Variants in NRXN1 observed in about 807,000 individuals in gnomAD.
The protein encoded by NRXN1 is neurexin-1.
Under a neutral mutation model 150.9 loss-of-function variants are expected in NRXN1, and 39 were observed. The ratio of observed to expected loss-of-function variants is 0.26; its 90% CI spans 0.20 to 0.34. NRXN1 has a LOEUF of 0.34. Among genes scored for constraint, NRXN1 ranks in the 10% least tolerant of loss-of-function variants. The probability of loss-of-function intolerance (pLI) is 1.00; values close to 1 mark genes in which losing one functional copy is unlikely to be tolerated. For missense variants in NRXN1, 1,815 were observed against 1,949.9 expected, an observed-to-expected ratio of 0.93 and a Z score of 1.30; for synonymous variants, 924 against 757.0, an observed-to-expected ratio of 1.22 and a Z score of -3.62.
intron 8 of NRXN1, among the ~76,000 whole-genome samples, chr2:50,559,057 G>T (rs1023150360): frequency 6.6e-6 from 1 of 152,106 alleles, no homozygotes; most frequent in Non-Finnish European, 1.5e-5. Flanking sequence ...ACTCCAGCCT[G>T]GGTGACAGAG....
At chr2:50,946,030 A>G (rs562483121) in intron 2 of NRXN1, among the ~76,000 whole-genome samples, 5 of 151,886 alleles carry the variant, frequency 3.3e-5, no homozygotes, top group African/African-American at 1.2e-4. Context: ...GAATGACCAT[A>G]GAGGATACAA....
chr2:51,007,285 T>C (rs115955751), intron 2 of NRXN1, among the ~76,000 whole-genome samples: 2,762 of 152,030 alleles, frequency 0.018, 88 homozygotes, highest in African/African-American at 0.064. Flanking sequence ...CAAAAAAAAT[T>C]ATTGTCCAAA....
intron 17 of NRXN1, among the ~76,000 whole-genome samples, chr2:50,369,516 G>A (rs968768736): frequency 6.6e-6 from 1 of 151,960 alleles, no homozygotes; most frequent in East Asian, 1.9e-4. Context: ...AATTTATAAT[G>A]TGATGGTGTT....
rs188528466 is a variant in NRXN1, at chr2:50,068,049, T to C, written c.3719-13005A>G. 1.2e-3 allele frequency among the ~76,000 whole-genome samples: 184 copies of C among 152,300 alleles called. 1 individual carries two copies. The highest frequency in any genetic ancestry group is 2.1e-3 in the Non-Finnish European group (146 of 68,014). On this transcript the variant is annotated intron_variant, in intron 19 of 22. Transcript: ENST00000401669. Reference sequence around the variant, plus strand: ...TTCATACACAGTCTGATGTGGCCTATAAATGGAACTGCGAAAGTTCCCTAT... The same window carrying C: ...TTCATACACAGTCTGATGTGGCCTACAAATGGAACTGCGAAAGTTCCCTAT...
intron 17 of NRXN1, among the ~76,000 whole-genome samples, chr2:50,260,701 G>A (rs1341134895): frequency 7.5e-6 from 1 of 133,218 alleles, no homozygotes; most frequent in African/African-American, 2.9e-5. Context: ...GACCTAACCT[G>A]TAGAAATGAA....
rs2092823499 is a variant in NRXN1, at chr2:50,522,719, CATTTTTTTTTT to C, written c.2374+5895_2374+5905del. 5.8e-5 allele frequency among the ~76,000 whole-genome samples: 5 copies of C among 86,596 alleles called. 1 individual carries two copies. Among genetic ancestry groups the C allele is most frequent in the Admixed American group, 2.5e-4 (2 of 7,924 alleles). 56.8% of individuals were successfully genotyped at this position (86,596 alleles called of 152,430 possible). A position where few individuals can be genotyped will look rare whatever the true frequency, so the allele number is the denominator to read the frequency against. ...TTCCATTTATTCATTTATTTTTATT[CATTTTTTTTTT>C]TTTTTTTTTTTTTTTTTTTTGAGAG... On this transcript the variant is annotated intron_variant, in intron 12 of 22. Transcript: ENST00000401669.
At chr2:50,002,274 T>C (rs1423566758) in intron 21 of NRXN1, among the ~76,000 whole-genome samples, 2 of 152,150 alleles carry the variant, frequency 1.3e-5, no homozygotes, top group African/African-American at 2.4e-5. Context: ...TACTTCCATA[T>C]AGAATTCAGA....
chr2:50,355,934 C>G (rs1425331237), intron 17 of NRXN1, among the ~76,000 whole-genome samples: 1 of 151,970 alleles, frequency 6.6e-6, no homozygotes, highest in East Asian at 1.9e-4. Context: ...TTTTTATTAT[C>G]TAAAATATAT....
intron 18 of NRXN1, among the ~76,000 whole-genome samples, chr2:50,124,206 T>G (rs1704254400): frequency 6.6e-6 from 1 of 152,146 alleles, no homozygotes; most frequent in Non-Finnish European, 1.5e-5. Context: ...AAATGCTGCT[T>G]GTAGTCCATG....
chr2:50,799,790 G>A (rs1707338796), intron 5 of NRXN1, among the ~76,000 whole-genome samples: 1 of 152,118 alleles, frequency 6.6e-6, no homozygotes, highest in Non-Finnish European at 1.5e-5. Context: ...TCACTGGGCT[G>A]TAACTCCATG....
At chr2:50,236,668 T>C in intron 18 of NRXN1, 121 bp downstream of exon 18, 4 of 846,860 alleles carry the variant, frequency 4.7e-6, no homozygotes, top group Non-Finnish European at 5.9e-6. Flanking sequence ...TGTATTCATA[T>C]TTCCTATAAC....
At chr2:49,991,128 T>C (rs909822359) in intron 21 of NRXN1, among the ~76,000 whole-genome samples, 5 of 152,290 alleles carry the variant, frequency 3.3e-5, no homozygotes, top group African/African-American at 1.2e-4. Context: ...TAACATCATA[T>C]GTAATAGTGA....
At chr2:50,850,507 G>C (rs72891307) in intron 5 of NRXN1, among the ~76,000 whole-genome samples, 8,280 of 152,154 alleles carry the variant, frequency 0.054, 246 homozygotes, top group Admixed American at 0.071. Context: ...AGTAGGCTCA[G>C]AGTCCTTCTC....
At chr2:50,101,225 T>G (rs928095159) in intron 18 of NRXN1, among the ~76,000 whole-genome samples, 1 of 152,106 alleles carries the variant, frequency 6.6e-6, no homozygotes, top group African/African-American at 2.4e-5. Flanking sequence ...GTGTTTCAGG[T>G]GCTGATTAAA....
chr2:50,787,580 A>AAACAAC (rs141444424), intron 5 of NRXN1, among the ~76,000 whole-genome samples: 8 of 151,638 alleles, frequency 5.3e-5, no homozygotes, highest in South Asian at 4.2e-4. Flanking sequence ...AAACAAAACA[A>AAACAAC]AACAACAACA....
At chr2:50,305,690 T>C (rs1343314413) in intron 17 of NRXN1, among the ~76,000 whole-genome samples, 1 of 152,164 alleles carries the variant, frequency 6.6e-6, no homozygotes, top group African/African-American at 2.4e-5. Flanking sequence ...TATGAGAAAG[T>C]CTATTTGTGG....
chr2:50,502,479 C>T (rs2091999439), intron 13 of NRXN1, among the ~76,000 whole-genome samples: 1 of 152,038 alleles, frequency 6.6e-6, no homozygotes, highest in Non-Finnish European at 1.5e-5. Flanking sequence ...CACTCAGACA[C>T]ACAAACACAC....
intron 2 of NRXN1, among the ~76,000 whole-genome samples, chr2:50,971,349 C>T (rs939654329): frequency 7.9e-5 from 12 of 152,064 alleles, no homozygotes; most frequent in Admixed American, 6.6e-5. Context: ...CTTTGGGAGG[C>T]CACAGTGGGC....
At chr2:50,414,138 C>T (rs990826153) in intron 17 of NRXN1, among the ~76,000 whole-genome samples, 3 of 151,962 alleles carry the variant, frequency 2.0e-5, no homozygotes, top group Non-Finnish European at 4.4e-5. Context: ...TTTGATATCA[C>T]AACAGGGTTA....
Sources: gnomAD v4.1 joint callset for allele counts (sites outside exome capture counted in the v4.1 genomes callset) on GRCh38, gnomAD v4.1.1 for gene constraint, MANE v1.5 for transcripts, NCBI Gene and HGNC (gene_info 2026-07-23, HGNC 2026-07-21) for gene names.